The following CDKN2B-AS1 variants were observed in gnomAD, a reference collection of about 807,000 sequenced individuals.
CDKN2B-AS1 encodes the protein CDKN2B antisense RNA 1 (non-protein coding).
intron 4 of CDKN2B-AS1, among the ~76,000 whole-genome samples, chr9:22,100,869 T>G (rs551558320): frequency 1.3e-5 from 2 of 152,316 alleles, no homozygotes; most frequent in Admixed American, 1.3e-4. Flanking sequence ...GGTACTTCAT[T>G]GTGGGTTTGA....
chr9:22,045,679 A>G (rs1476941483), intron 1 of CDKN2B-AS1, among the ~76,000 whole-genome samples: 3 of 152,074 alleles, frequency 2.0e-5, no homozygotes, highest in Admixed American at 6.6e-5. Flanking sequence ...GCCACAATGA[A>G]GGTCAAAAAG....
chr9:22,070,067 A>G (rs1245199041), intron 4 of CDKN2B-AS1, among the ~76,000 whole-genome samples: 1 of 152,192 alleles, frequency 6.6e-6, no homozygotes, highest in Non-Finnish European at 1.5e-5. Flanking sequence ...AATGAACACT[A>G]TCCTCACAAT....
chr9:22,020,253 A>G (rs1821960899), intron 1 of CDKN2B-AS1, among the ~76,000 whole-genome samples: 1 of 152,008 alleles, frequency 6.6e-6, no homozygotes, highest in African/African-American at 2.4e-5. Flanking sequence ...TATGTACCAC[A>G]TTTTCTTTAT....
At chr9:22,097,892 C>G (rs1825339298) in intron 4 of CDKN2B-AS1, among the ~76,000 whole-genome samples, 1 of 152,178 alleles carries the variant, frequency 6.6e-6, no homozygotes. Flanking sequence ...TGGTTTTTCA[C>G]TGTTCTAGTC....
intron 2 of CDKN2B-AS1, among the ~76,000 whole-genome samples, chr9:22,047,241 A>G (rs1823145475): frequency 1.3e-5 from 2 of 152,136 alleles, no homozygotes; most frequent in Non-Finnish European, 2.9e-5. Flanking sequence ...CCAAGCCTTA[A>G]AACTATGTAT....
chr9:22,075,405 G>A (rs1261413941), intron 4 of CDKN2B-AS1, among the ~76,000 whole-genome samples: 1 of 152,202 alleles, frequency 6.6e-6, no homozygotes, highest in Non-Finnish European at 1.5e-5. Flanking sequence ...TATGATCAAA[G>A]CAGAGAGGAC....
chr9:22,118,102 C>T (rs932499137), intron 4 of CDKN2B-AS1: 5 of 152,300 alleles, frequency 3.3e-5, no homozygotes, highest in African/African-American at 1.2e-4. Flanking sequence ...GCAGATGTTT[C>T]TAACAAAGGA....
At chr9:22,087,943 C>T (rs1824919606) in intron 4 of CDKN2B-AS1, among the ~76,000 whole-genome samples, 1 of 152,200 alleles carries the variant, frequency 6.6e-6, no homozygotes, top group African/African-American at 2.4e-5. Context: ...TTGTGGCTTG[C>T]TGTCTCTGTT....
intron 1 of CDKN2B-AS1, among the ~76,000 whole-genome samples, chr9:22,020,551 G>T (rs1223936250): frequency 2.0e-5 from 3 of 151,728 alleles, no homozygotes; most frequent in African/African-American, 7.3e-5. Flanking sequence ...TATTTTTTTT[G>T]ACTTTTTAAT....
intron 4 of CDKN2B-AS1, among the ~76,000 whole-genome samples, chr9:22,062,752 G>T (rs187273084): frequency 1.3e-5 from 2 of 149,020 alleles, no homozygotes; most frequent in Non-Finnish European, 3.0e-5. Flanking sequence ...ATATTGTGTA[G>T]TTTTTTTTTT....
chr9:22,103,130 G>GATGTGT (rs1554679336), intron 4 of CDKN2B-AS1, among the ~76,000 whole-genome samples: 2 of 88,482 alleles, frequency 2.3e-5, no homozygotes, highest in Non-Finnish European at 4.7e-5. Context: ...TTCTAGAACA[G>GATGTGT]ATGTGTGTGT....
rs2131182282 is a variant in CDKN2B-AS1 at position 22,006,281 on chromosome 9, T to TG, written n.29+11125dup. 6.3e-7 allele frequency: 1 copy of TG among 1,599,822 alleles called. No individual in the cohort carries two copies. Among genetic ancestry groups the TG allele is most frequent in the African/African-American group, 1.3e-5 (1 of 75,002 alleles). ...GAGAGCAGAGTGGTCAGAGCCAGGG[T>TG]GGGGGCAGGTATGGGAGATGCCGGC... On this transcript the variant is annotated intron_variant and non_coding_transcript_variant, in intron 1 of 4. Transcript: ENST00000650946. The surrounding 1 kb of genome is among the most constrained non-coding windows in gnomAD (Gnocchi z 6.4).
chr9:22,048,015 G>A (rs187370859), intron 2 of CDKN2B-AS1, among the ~76,000 whole-genome samples: 116 of 151,314 alleles, frequency 7.7e-4, no homozygotes, highest in African/African-American at 2.6e-3. Flanking sequence ...GGCTGGTCTC[G>A]AGCTCCTAGG....
intron 1 of CDKN2B-AS1, among the ~76,000 whole-genome samples, chr9:22,013,892 AT>A (rs1821623922): frequency 6.6e-6 from 1 of 151,272 alleles, no homozygotes; most frequent in Admixed American, 6.6e-5. Flanking sequence ...GACACTTAAC[AT>A]TTTTCTTTGT....
At chr9:22,090,161 C>T (rs1264260144) in intron 4 of CDKN2B-AS1, among the ~76,000 whole-genome samples, 4 of 152,102 alleles carry the variant, frequency 2.6e-5, no homozygotes, top group Non-Finnish European at 5.9e-5. Context: ...ATGAACTCAT[C>T]CTTTTTTATG....
intron 1 of CDKN2B-AS1, chr9:22,012,213 G>C (rs146692729): frequency 2.8e-6 from 4 of 1,408,188 alleles, no homozygotes; most frequent in South Asian, 1.2e-5. Flanking sequence ...GTCGAGCCCA[G>C]TGACACCATT....
At chr9:22,100,721 A>G (rs2131355193) in intron 4 of CDKN2B-AS1, among the ~76,000 whole-genome samples, 1 of 152,328 alleles carries the variant, frequency 6.6e-6, no homozygotes, top group African/African-American at 2.4e-5. Flanking sequence ...TTGACTTTTT[A>G]AGAAACTGTT....
intron 4 of CDKN2B-AS1, among the ~76,000 whole-genome samples, chr9:22,094,032 G>A (rs1248093931): frequency 6.9e-6 from 1 of 144,306 alleles, no homozygotes; most frequent in Non-Finnish European, 1.5e-5. Flanking sequence ...AAATCTCTTA[G>A]CATTTGCTTT....
intron 4 of CDKN2B-AS1, among the ~76,000 whole-genome samples, chr9:22,099,324 A>G (rs1825401429): frequency 1.3e-5 from 2 of 152,310 alleles, no homozygotes; most frequent in Admixed American, 6.5e-5. Context: ...TCTTGTAGCA[A>G]TGGGAGCCTA....
Sources: gnomAD v4.1 joint callset for allele counts (sites outside exome capture counted in the v4.1 genomes callset) on GRCh38, gnomAD v4.1.1 for gene constraint, Gnocchi (gnomAD v3.1) non-coding constraint, MANE v1.5 for transcripts, NCBI Gene and HGNC (gene_info 2026-07-23, HGNC 2026-07-21) for gene names.